The following CHL1 variants were observed in gnomAD, a reference collection of about 807,000 sequenced individuals.
CHL1 encodes the protein cell adhesion molecule L1 like.
Under a neutral mutation model 141.9 loss-of-function variants are expected in CHL1, and 96 were observed. That is an observed-to-expected ratio of 0.68 (90% CI 0.57 to 0.80). The LOEUF is 0.80. Ranked by LOEUF, CHL1 falls within the 30% of genes least tolerant of loss-of-function variation. The pLI is 0.00. For missense variants in CHL1, 1,820 were observed against 1,457.2 expected (o/e 1.25, Z -4.05); for synonymous variants, 613 against 502.2 (o/e 1.22, Z -2.95).
At chr3:316,236 C>T (rs538397294) in intron 2 of CHL1, among the ~76,000 whole-genome samples, 69 of 152,090 alleles carry the variant, frequency 4.5e-4, no homozygotes, top group African/African-American at 1.6e-3. Context: ...TTACAGGTTG[C>T]TCTTTGTTAG....
At chr3:388,827 T>C (rs1707988184) in intron 19 of CHL1, among the ~76,000 whole-genome samples, 2 of 152,212 alleles carry the variant, frequency 1.3e-5, no homozygotes, top group Admixed American at 1.3e-4. Flanking sequence ...CAAAAAGCCA[T>C]GGGAGAATCC....
intron 23 of CHL1, among the ~76,000 whole-genome samples, chr3:392,662 A>G (rs1683102868): frequency 6.6e-6 from 1 of 152,234 alleles, no homozygotes; most frequent in African/African-American, 2.4e-5. Flanking sequence ...GAGACCCAGC[A>G]CACACTGCTT....
intron 1 of CHL1, among the ~76,000 whole-genome samples, chr3:242,755 T>C (rs1422458781): frequency 2.3e-4 from 35 of 152,112 alleles, no homozygotes. Flanking sequence ...TTAATGTGAA[T>C]GCCTTCTGAA....
chr3:289,421 C>T (rs1697460813), intron 2 of CHL1, among the ~76,000 whole-genome samples: 1 of 148,494 alleles, frequency 6.7e-6, no homozygotes, highest in African/African-American at 2.6e-5. Flanking sequence ...GTGGTTTTTG[C>T]CATTAATAAT....
In CHL1 at chr3:349,391, G is replaced by A. The variant is rs777058932; in HGVS notation, c.881G>A (p.Gly294Asp). ...CCACAGGTTGATTGGAACAAAATTG[G>A]TGGTGACTTACCAAAGGGGAGAGAA... ...PTPQVDWNKI[G>D]GDLPKGRETK... is the part of the protein sequence containing the mutation. Residue 294 changes from glycine (G) to aspartate (D), a missense_variant, in exon 10 of 28, where the codon GGT becomes GAT. Coordinates refer to ENST00000256509, the MANE Select transcript of CHL1 (RefSeq NM_006614.4). 3 of 1,613,670 alleles carry A rather than the reference G, an allele frequency of 1.9e-6. No individual in the cohort carries two copies. The highest frequency in any genetic ancestry group is 2.5e-6 in the Non-Finnish European group (3 of 1,179,780).
intron 13 of CHL1, among the ~76,000 whole-genome samples, chr3:362,962 G>A (rs139251287): frequency 1.3e-4 from 20 of 152,248 alleles, no homozygotes; most frequent in Non-Finnish European, 2.2e-4. Flanking sequence ...CATGCAAACC[G>A]GTGCTGGTGG....
chr3:400,644 T>C (rs996608564), intron 26 of CHL1, among the ~76,000 whole-genome samples: 1 of 148,796 alleles, frequency 6.7e-6, no homozygotes, highest in South Asian at 2.1e-4. Context: ...ATTCCACTAA[T>C]AAGAGAAATC....
intron 1 of CHL1, among the ~76,000 whole-genome samples, chr3:242,455 G>T (rs1376324929): frequency 1.4e-5 from 2 of 146,668 alleles, no homozygotes; most frequent in Admixed American, 6.9e-5. Context: ...AATTATCCCG[G>T]CGTGGTGGTG....
intron 15 of CHL1, among the ~76,000 whole-genome samples, chr3:368,237 C>T (rs1575184281): frequency 6.6e-6 from 1 of 152,314 alleles, no homozygotes; most frequent in Non-Finnish European, 1.5e-5. Context: ...GTTCCTTTTT[C>T]TCTGCAGCCT....
chr3:308,367 A>G (rs1465694046), intron 2 of CHL1, among the ~76,000 whole-genome samples: 1 of 152,134 alleles, frequency 6.6e-6, no homozygotes, highest in Non-Finnish European at 1.5e-5. Context: ...AAATATGTAG[A>G]CAAGGCAGGT....
At chr3:353,257 T>A (rs1182337935) in intron 10 of CHL1, among the ~76,000 whole-genome samples, 11 of 152,358 alleles carry the variant, frequency 7.2e-5, no homozygotes, top group Admixed American at 2.0e-4. Context: ...TGTAATTTTC[T>A]ATTATAAATA....
chr3:283,990 C>T (rs1356428591), intron 2 of CHL1, among the ~76,000 whole-genome samples: 1 of 152,208 alleles, frequency 6.6e-6, no homozygotes, highest in Non-Finnish European at 1.5e-5. Flanking sequence ...TAGTCACACT[C>T]TCCCTCACTG....
In CHL1 at chr3:354,495, C is replaced by T. The variant is rs1703532718; in HGVS notation, c.1034-145C>T. 4 of 846,034 alleles carry T rather than the reference C, an allele frequency of 4.7e-6. No homozygotes were observed. The Admixed American group carries it at 1.0e-4, about 21-fold the overall frequency. The allele number at this position is 846,034 out of a possible 1,614,324, so 52.4% of individuals were successfully genotyped here. ...CAAAAGCAGCTCCCACCTTGCTTTG[C>T]AGAGCAAGTTTACCAAAAAGAGCTA... On this transcript the variant is annotated intron_variant, in intron 10 of 27. Coordinates refer to ENST00000256509, the MANE Select transcript of CHL1 (RefSeq NM_006614.4).
At chr3:330,338 A>G (rs1575083974) in intron 5 of CHL1, among the ~76,000 whole-genome samples, 1 of 152,222 alleles carries the variant, frequency 6.6e-6, no homozygotes, top group East Asian at 1.9e-4. Context: ...TGAAAGCATT[A>G]TTTAGAGGGA....
chr3:221,470 C>A (rs1313921134), intron 1 of CHL1, among the ~76,000 whole-genome samples: 2 of 152,172 alleles, frequency 1.3e-5, no homozygotes, highest in East Asian at 1.9e-4. Context: ...GTGTAGCAGA[C>A]CCTACACTTA....
chr3:285,421 G>A (rs899533978), intron 2 of CHL1, among the ~76,000 whole-genome samples: 2 of 152,192 alleles, frequency 1.3e-5, no homozygotes, highest in Non-Finnish European at 2.9e-5. Flanking sequence ...AAGCAATTGA[G>A]TACAAAATTC....
At chr3:318,915 A>G (rs1176638653) in intron 2 of CHL1, among the ~76,000 whole-genome samples, 5 of 151,774 alleles carry the variant, frequency 3.3e-5, no homozygotes, top group South Asian at 4.1e-4. Flanking sequence ...AATTAACTAA[A>G]TGAAGTTATT....
chr3:328,110 TACTCTAA>T lies in CHL1; in HGVS notation c.198-54_198-48del, dbSNP rs1042090397. 3.8e-6 allele frequency: 5 copies of T among 1,327,532 alleles called. No homozygotes were observed. In the African/African-American group the frequency reaches 5.9e-5, roughly 16 times the overall value. The allele number at this position is 1,327,532 out of a possible 1,614,324, so 82.2% of individuals were successfully genotyped here. A position where few individuals can be genotyped will look rare whatever the true frequency, so the allele number is the denominator to read the frequency against. On this transcript the variant is annotated intron_variant, in intron 4 of 27. Coordinates refer to ENST00000256509, the MANE Select transcript of CHL1 (RefSeq NM_006614.4). ...TCAATTTTATGCAATTGTTAATAAG[TACTCTAA>T]ACATATGTCATTATTTTTCAGGATT...
chr3:279,881 G>A (rs546466900), intron 2 of CHL1, among the ~76,000 whole-genome samples: 1 of 152,290 alleles, frequency 6.6e-6, no homozygotes, highest in East Asian at 1.9e-4. Context: ...GGATAAAATT[G>A]CACTTGAGAA....
Sources: gnomAD v4.1 joint callset for allele counts (sites outside exome capture counted in the v4.1 genomes callset) on GRCh38, gnomAD v4.1.1 for gene constraint, MANE v1.5 for transcripts, NCBI Gene and HGNC (gene_info 2026-07-23, HGNC 2026-07-21) for gene names.